GPC6: variants seen among roughly 807,000 people sequenced by gnomAD.
The protein encoded by GPC6 is glypican 6.
GPC6 carries 14 observed loss-of-function variants against 55.2 expected under a neutral mutation model. That is an observed-to-expected ratio of 0.25 (90% confidence interval 0.17 to 0.40). GPC6 has a LOEUF of 0.40. Among genes scored for constraint, GPC6 ranks in the 10% least tolerant of loss-of-function variants. The pLI, the probability that GPC6 is intolerant of heterozygous loss-of-function variation, is 1.00. For missense variants in GPC6, 641 were observed against 708.5 expected (o/e 0.90, Z 1.08); for synonymous variants, 278 against 259.6 (o/e 1.07, Z -0.68).
intron 4 of GPC6, among the ~76,000 whole-genome samples, chr13:94,060,188 A>T (rs973692483): frequency 1.3e-5 from 2 of 152,208 alleles, no homozygotes; most frequent in African/African-American, 4.8e-5. Context: ...CCTAGTTAAA[A>T]TTGCAATCTG....
intron 4 of GPC6, among the ~76,000 whole-genome samples, chr13:94,271,140 G>A (rs1173169688): frequency 1.3e-5 from 2 of 149,350 alleles, no homozygotes; most frequent in Admixed American, 6.7e-5. Context: ...ACAGGCTCCC[G>A]CCACCATGCC....
At chr13:93,738,058 C>T (rs894528970) in intron 2 of GPC6, among the ~76,000 whole-genome samples, 2 of 152,090 alleles carry the variant, frequency 1.3e-5, no homozygotes, top group African/African-American at 2.4e-5. Flanking sequence ...CAACTTGATA[C>T]GTCATAGGAT....
At chr13:93,462,985 G>T (rs750685210) in intron 1 of GPC6, among the ~76,000 whole-genome samples, 5 of 152,112 alleles carry the variant, frequency 3.3e-5, no homozygotes, top group African/African-American at 4.8e-5. Flanking sequence ...CTAGACATAG[G>T]ACAGTTTGTG....
intron 4 of GPC6, among the ~76,000 whole-genome samples, chr13:94,256,782 G>A (rs559289929): frequency 6.6e-6 from 1 of 152,198 alleles, no homozygotes; most frequent in East Asian, 1.9e-4. Context: ...TCCTTCCAGA[G>A]ACAGAGATCT....
chr13:93,916,260 G>T (rs921343101), intron 3 of GPC6, among the ~76,000 whole-genome samples: 6 of 152,082 alleles, frequency 3.9e-5, no homozygotes, highest in African/African-American at 1.4e-4. Context: ...CATGCTTCAG[G>T]CTCTGCTTCC....
chr13:94,284,409 A>G (rs1054161818), intron 4 of GPC6, among the ~76,000 whole-genome samples: 1 of 151,822 alleles, frequency 6.6e-6, no homozygotes, highest in African/African-American at 2.4e-5. Context: ...TTAGAACAAA[A>G]TGGGGAACTG....
chr13:94,143,102 G>A (rs1488584493), intron 4 of GPC6, among the ~76,000 whole-genome samples: 9 of 151,138 alleles, frequency 6.0e-5, no homozygotes. Flanking sequence ...TGGGATTACA[G>A]ACGTGAGCCA....
intron 6 of GPC6, among the ~76,000 whole-genome samples, chr13:94,381,055 T>TGACC (rs1283514982): frequency 6.6e-6 from 1 of 152,194 alleles, no homozygotes; most frequent in Admixed American, 6.5e-5. Context: ...GAGGAACAAG[T>TGACC]GACCAATTTG....
intron 5 of GPC6, among the ~76,000 whole-genome samples, chr13:94,302,040 A>G (rs1258749398): frequency 6.6e-6 from 1 of 152,238 alleles, no homozygotes. Context: ...AACTCAGAAA[A>G]TTGAGACGGT....
At chr13:93,755,194 C>T (rs1202373063) in intron 2 of GPC6, among the ~76,000 whole-genome samples, 1 of 152,106 alleles carries the variant, frequency 6.6e-6, no homozygotes, top group African/African-American at 2.4e-5. Flanking sequence ...AAGATTAGGA[C>T]CCACCACAAT....
chr13:93,715,180 A>G (rs556484818), intron 2 of GPC6, among the ~76,000 whole-genome samples: 10 of 151,800 alleles, frequency 6.6e-5, no homozygotes, highest in African/African-American at 2.4e-4. Flanking sequence ...TCACAGCGCT[A>G]TTCACAAAAA....
intron 4 of GPC6, among the ~76,000 whole-genome samples, chr13:94,265,490 A>C (rs1298889165): frequency 6.6e-6 from 1 of 152,148 alleles, no homozygotes; most frequent in Non-Finnish European, 1.5e-5. Context: ...ACCCAGATTA[A>C]GGGTGGATCG....
intron 6 of GPC6, among the ~76,000 whole-genome samples, chr13:94,313,842 A>G (rs897133868): frequency 6.6e-6 from 1 of 152,092 alleles, no homozygotes; most frequent in Non-Finnish European, 1.5e-5. Context: ...GAAATGTTAC[A>G]CTTTCAGAGC....
intron 2 of GPC6, among the ~76,000 whole-genome samples, chr13:93,557,889 A>G (rs1428042796): frequency 6.6e-6 from 1 of 152,062 alleles, no homozygotes; most frequent in African/African-American, 2.4e-5. Flanking sequence ...CTGCTTTCTA[A>G]TTCTAAATTA....
At chr13:94,021,735 A>G (rs1352389743) in intron 3 of GPC6, among the ~76,000 whole-genome samples, 2 of 152,036 alleles carry the variant, frequency 1.3e-5, no homozygotes, top group Non-Finnish European at 2.9e-5. Flanking sequence ...TATTTTCAAG[A>G]CTAGTAAACT....
chr13:93,396,445 C>T (rs1292713445), intron 1 of GPC6, among the ~76,000 whole-genome samples: 2 of 152,038 alleles, frequency 1.3e-5, no homozygotes, highest in Admixed American at 1.3e-4. Context: ...CGCCAGTAAT[C>T]CCAGCTACTC....
intron 3 of GPC6, among the ~76,000 whole-genome samples, chr13:93,896,013 G>A (rs776233071): frequency 1.3e-5 from 2 of 151,952 alleles, no homozygotes; most frequent in South Asian, 2.1e-4. Context: ...ATAACTTAGT[G>A]TATATTTAAA....
At chr13:93,555,408 T>C (rs1875408520) in intron 2 of GPC6, among the ~76,000 whole-genome samples, 1 of 152,190 alleles carries the variant, frequency 6.6e-6, no homozygotes, top group Non-Finnish European at 1.5e-5. Flanking sequence ...CAGTGTTGTG[T>C]GACAATGGTA....
At chr13:94,340,645 G>C (rs1260844153) in intron 6 of GPC6, among the ~76,000 whole-genome samples, 1 of 152,210 alleles carries the variant, frequency 6.6e-6, no homozygotes, top group Admixed American at 6.5e-5. Context: ...AGGGTTCTAC[G>C]TAAATAAGAC....
Sources: gnomAD v4.1 joint callset for allele counts (sites outside exome capture counted in the v4.1 genomes callset) on GRCh38, gnomAD v4.1.1 for gene constraint, MANE v1.5 for transcripts, NCBI Gene and HGNC (gene_info 2026-07-23, HGNC 2026-07-21) for gene names.